The following STXBP5L variants were observed in gnomAD, a reference collection of about 807,000 sequenced individuals.
STXBP5L encodes the protein syntaxin binding protein 5L, also known as syntaxin-binding protein 5-like.
In STXBP5L, 65 loss-of-function variants were observed where a neutral mutation model predicts 144.5. The observed-to-expected ratio is 0.45, with a 90% CI of 0.37 to 0.55. STXBP5L has a LOEUF of 0.55. Ranked by LOEUF, STXBP5L falls within the 20% of genes least tolerant of loss-of-function variation. The pLI is 0.00. For missense variants in STXBP5L, 1,298 were observed against 1,405.5 expected, an observed-to-expected ratio of 0.92 and a Z score of 1.22; for synonymous variants, 505 against 469.6, an observed-to-expected ratio of 1.08 and a Z score of -0.97.
At chr3:121,018,852 A>G (rs1945333860) in intron 3 of STXBP5L, among the ~76,000 whole-genome samples, 1 of 152,218 alleles carries the variant, frequency 6.6e-6, no homozygotes, top group African/African-American at 2.4e-5. Context: ...GGAACATACC[A>G]ACAAAGACAA....
In STXBP5L at chr3:121,422,064, G is replaced by A. The variant is rs1560076545; in HGVS notation, c.*2967G>A. On this transcript the variant is annotated 3_prime_UTR_variant, in exon 27 of 27. Coordinates refer to ENST00000471454, the MANE Select transcript of STXBP5L (RefSeq NM_001308330.2). Reference sequence around the variant, plus strand: ...TAATGTGGATGTGATTTTTCTCTTTGAACAATTCTGTTCTGTTGCACTGAC... The same window carrying A: ...TAATGTGGATGTGATTTTTCTCTTTAAACAATTCTGTTCTGTTGCACTGAC... 6.6e-6 allele frequency: 1 copy of A among 152,044 alleles called. No homozygotes were observed. The highest frequency in any genetic ancestry group is 1.9e-4 in the East Asian group (1 of 5,180). The allele number at this position is 152,044 out of a possible 1,614,324, so 9.4% of individuals were successfully genotyped here.
chr3:121,279,289 T>G (rs2050976619), intron 18 of STXBP5L, among the ~76,000 whole-genome samples: 1 of 151,936 alleles, frequency 6.6e-6, no homozygotes, highest in Non-Finnish European at 1.5e-5. Flanking sequence ...AAGAAACATT[T>G]AACTTTTTGT....
At chr3:121,009,819 A>T (rs968159673) in intron 3 of STXBP5L, among the ~76,000 whole-genome samples, 9 of 151,862 alleles carry the variant, frequency 5.9e-5, no homozygotes, top group African/African-American at 2.2e-4. Flanking sequence ...TAGTGTCTAC[A>T]AGGGCCTAGT....
At chr3:120,966,278 C>T (rs1375888244) in intron 3 of STXBP5L, among the ~76,000 whole-genome samples, 1 of 152,218 alleles carries the variant, frequency 6.6e-6, no homozygotes, top group Admixed American at 6.5e-5. Context: ...AAGCCTACTT[C>T]TGTCAACTTG....
intron 20 of STXBP5L, among the ~76,000 whole-genome samples, chr3:121,355,759 G>A (rs1004562792): frequency 6.6e-6 from 1 of 152,176 alleles, no homozygotes; most frequent in African/African-American, 2.4e-5. Context: ...CTTGGGAGGA[G>A]AAGAGGCACT....
chr3:121,189,595 A>T (rs1328316233), intron 9 of STXBP5L, among the ~76,000 whole-genome samples: 1 of 152,094 alleles, frequency 6.6e-6, no homozygotes, highest in Non-Finnish European at 1.5e-5. Context: ...CTGTTTTGGA[A>T]CCAGTACCAT....
At chr3:121,063,691 A>T (rs1304757397) in intron 5 of STXBP5L, among the ~76,000 whole-genome samples, 1 of 152,332 alleles carries the variant, frequency 6.6e-6, no homozygotes, top group South Asian at 2.1e-4. Context: ...TGCCTTGCCC[A>T]GCAAGGAGGA....
chr3:121,081,799 A>G (rs139774871), intron 5 of STXBP5L, among the ~76,000 whole-genome samples: 5 of 152,104 alleles, frequency 3.3e-5, no homozygotes, highest in Admixed American at 1.3e-4. Context: ...GGAGCTCTCA[A>G]TTAGGTGTGG....
chr3:120,998,609 A>T (rs1021171418), intron 3 of STXBP5L, among the ~76,000 whole-genome samples: 2 of 151,996 alleles, frequency 1.3e-5, no homozygotes, highest in African/African-American at 4.8e-5. Context: ...TTCAACTCCT[A>T]ATTAGGAGTG....
chr3:121,294,652 A>G (rs2051576198), intron 19 of STXBP5L, among the ~76,000 whole-genome samples: 1 of 152,086 alleles, frequency 6.6e-6, no homozygotes, highest in Non-Finnish European at 1.5e-5. Flanking sequence ...AGCAAGAGAG[A>G]GAGATAAGGG....
At chr3:121,072,557 CT>C (rs1254463916) in intron 5 of STXBP5L, among the ~76,000 whole-genome samples, 1 of 152,212 alleles carries the variant, frequency 6.6e-6, no homozygotes, top group African/African-American at 2.4e-5. Flanking sequence ...CACTAACATC[CT>C]TTCTGGTAAC....
At chr3:120,916,718 C>T (rs529195503) in intron 2 of STXBP5L, among the ~76,000 whole-genome samples, 1 of 152,168 alleles carries the variant, frequency 6.6e-6, no homozygotes, top group Admixed American at 6.6e-5. Context: ...GTTTTAGATG[C>T]AGATTTAATA....
Position 121,271,270 on chromosome 3 carries a change from G to T in STXBP5L, c.1959-8535G>T, listed in dbSNP as rs549953401. Among the ~76,000 whole-genome samples, 271 of 152,212 alleles carry T rather than the reference G, an allele frequency of 1.8e-3. 2 individuals are homozygous for T. Among genetic ancestry groups the T allele is most frequent in the Non-Finnish European group, 3.3e-3 (224 of 68,006 alleles). On this transcript the variant is annotated intron_variant, in intron 18 of 26. Transcript: ENST00000471454. ...GAGTTAAGATCTGTTTCTATCATTT[G>T]TGCCTGTGATGCTCTAATTCTTCCA...
At chr3:121,114,624 T>C (rs2044152101) in intron 5 of STXBP5L, among the ~76,000 whole-genome samples, 1 of 152,136 alleles carries the variant, frequency 6.6e-6, no homozygotes, top group Non-Finnish European at 1.5e-5. Flanking sequence ...AACAAAAAAA[T>C]TCAGCCACAG....
At chr3:121,109,164 A>C (rs575188007) in intron 5 of STXBP5L, among the ~76,000 whole-genome samples, 1 of 151,634 alleles carries the variant, frequency 6.6e-6, no homozygotes, top group Non-Finnish European at 1.5e-5. Context: ...GGTCTATTTC[A>C]TTATTCTTTC....
chr3:121,257,238 T>C lies in STXBP5L; in HGVS notation c.1737T>C (p.Asp579=). The change falls in exon 17 of 27, where the codon GAT becomes GAC. Residue 579 remains aspartate, a synonymous_variant. Coordinates refer to ENST00000471454, the MANE Select transcript of STXBP5L (RefSeq NM_001308330.2). ...PEPETSPPFP[D]LSAQLPSSRS... is the part of the protein sequence containing the mutation. ...CAGAAACAAGTCCTCCGTTTCCAGA[T>C]CTCTCAGCCCAGCTTCCTTCTTCAA... The C allele has an allele frequency of 6.2e-7, 1 of 1,613,918 alleles. No individual in the cohort carries two copies. The highest frequency in any genetic ancestry group is 8.5e-7 in the Non-Finnish European group (1 of 1,179,842).
At chr3:121,212,558 G>A (rs1053161859) in intron 10 of STXBP5L, among the ~76,000 whole-genome samples, 4 of 152,088 alleles carry the variant, frequency 2.6e-5, no homozygotes, top group East Asian at 1.9e-4. Flanking sequence ...ACTCGGTTCT[G>A]TTCCATTGGT....
chr3:121,026,727 G>A (rs949859663), intron 3 of STXBP5L, among the ~76,000 whole-genome samples: 1 of 151,850 alleles, frequency 6.6e-6, no homozygotes, highest in Non-Finnish European at 1.5e-5. Flanking sequence ...AGAGAAAAGA[G>A]TAACTAAAAG....
intron 20 of STXBP5L, among the ~76,000 whole-genome samples, chr3:121,369,341 CT>C (rs34663246): frequency 0.52 from 75,979 of 145,162 alleles, 19,712 homozygotes; most frequent in East Asian, 0.71. Context: ...TCCTGTTTGG[CT>C]TTTTTTTTTT....
Sources: allele counts gnomAD v4.1 joint callset (sites outside exome capture counted in the v4.1 genomes callset), GRCh38; gene constraint gnomAD v4.1.1; transcripts MANE v1.5; gene names NCBI Gene and HGNC (gene_info 2026-07-23, HGNC 2026-07-21).